CCT6B: variants seen among roughly 807,000 people sequenced by gnomAD.
CCT6B encodes the protein probable T-complex protein 1 subunit zeta-2.
A neutral mutation model predicts 61.5 loss-of-function variants in CCT6B; 49 were observed. The observed-to-expected ratio is 0.80, with a 90% CI of 0.63 to 1.01. The LOEUF (loss-of-function observed/expected upper bound fraction) is 1.01, where lower values mean the gene tolerates loss of function less well. Among genes scored for constraint, CCT6B ranks in the 50% least tolerant of loss-of-function variants. The pLI is 0.00. For synonymous variants in CCT6B, 228 were observed against 214.5 expected, an observed-to-expected ratio of 1.06 and a Z score of -0.55; for missense variants, 666 against 634.7, an observed-to-expected ratio of 1.05 and a Z score of -0.53.
At position 34,939,344 on chromosome 17, in the gene CCT6B, C is replaced by T; in HGVS notation, c.1066-14G>A. The T allele has an allele frequency of 1.3e-6, 2 of 1,592,466 alleles. No homozygotes were observed. Among genetic ancestry groups the T allele is most frequent in the Non-Finnish European group, 1.7e-6 (2 of 1,166,046 alleles). On this transcript the variant is annotated splice_polypyrimidine_tract_variant and intron_variant, in intron 9 of 13. Coordinates refer to ENST00000314144, the MANE Select transcript of CCT6B (RefSeq NM_006584.4). ...CTTTTCTTCACCCTAAAGGGTGGCA[C>T]AAAAATATATAACTTTAATATTTGA...
intron 5 of CCT6B, among the ~76,000 whole-genome samples, chr17:34,950,781 T>C (rs1436391770): frequency 6.6e-6 from 1 of 151,658 alleles, no homozygotes; most frequent in African/African-American, 2.4e-5. Context: ...TACAAAAAAT[T>C]AGGCAGGCGT....
chr17:34,937,446 C>T (rs921295039), intron 10 of CCT6B, among the ~76,000 whole-genome samples: 4 of 151,928 alleles, frequency 2.6e-5, no homozygotes, highest in Non-Finnish European at 4.4e-5. Context: ...TTTTTATACA[C>T]GAGAAAAGGC....
At chr17:34,928,237 G>A (rs1403434508) in intron 13 of CCT6B, 120 bp from the exon 14 acceptor site, 6 of 549,874 alleles carry the variant, frequency 1.1e-5, no homozygotes, top group African/African-American at 2.0e-5. Context: ...GATGTTTTAT[G>A]AGACAAGGCT....
rs754466654 is a variant in CCT6B at position 34,959,658 on chromosome 17, G to A, written c.138-8C>T. ...CCTGCACCAGAAACAAGCCTGTTCA[G>A]AGAAGAATGATATTAACTTCATGTG... On this transcript the variant is annotated splice_region_variant and splice_polypyrimidine_tract_variant and intron_variant, in intron 1 of 13. Coordinates refer to ENST00000314144, the MANE Select transcript of CCT6B (RefSeq NM_006584.4). 6.3e-7 allele frequency: 1 copy of A among 1,597,718 alleles called. No homozygotes were observed. The highest frequency in any genetic ancestry group is 8.6e-7 in the Non-Finnish European group (1 of 1,165,318).
rs764788462 is a variant in CCT6B at position 34,961,270 on chromosome 17, C to T, written c.124G>A (p.Gly42Ser). 6.2e-7 allele frequency: 1 copy of T among 1,610,186 alleles called. No individual in the cohort carries two copies. Among genetic ancestry groups the T allele is most frequent in the South Asian group, 1.1e-5 (1 of 90,728 alleles). Reference sequence around the variant, plus strand: ...CCGCTGTCTCACATTTTCATGGTGCCTTTAGGACCCAAGTTGGTCCGCAGC... The same window carrying T: ...CCGCTGTCTCACATTTTCATGGTGCTTTTAGGACCCAAGTTGGTCCGCAGC... ...DVLRTNLGPK[G>S]TMKMLVSGAG... is the part of the protein sequence containing the mutation. Residue 42 changes from glycine (G) to serine (S), a missense_variant, in exon 1 of 14, where the codon GGC (glycine) becomes AGC (serine). Transcript: ENST00000314144.
In CCT6B at chr17:34,929,821, C is replaced by T. The variant is rs528829134; in HGVS notation, c.1451-787G>A. On this transcript the variant is annotated intron_variant, in intron 12 of 13. Transcript: ENST00000314144. ...GAGCCACTGCGCCTGGCCTGACTCT[C>T]AGGTTTTAATCTCCAACCCAGACCT... 3.3e-5 allele frequency among the ~76,000 whole-genome samples: 5 copies of T among 152,222 alleles called. No individual in the cohort carries two copies. In the East Asian group the frequency reaches 9.7e-4, roughly 29 times the overall value.
Position 34,942,850 on chromosome 17 carries a change from C to G in CCT6B, c.671G>C (p.Arg224Pro). 2 of 1,611,764 alleles carry G rather than the reference C, an allele frequency of 1.2e-6. No homozygotes were observed. Among genetic ancestry groups the G allele is most frequent in the Non-Finnish European group, 1.7e-6 (2 of 1,178,732 alleles). The change falls in exon 6 of 14, where the codon CGA becomes CCA. Residue 224 changes from arginine (R) to proline (P), a missense_variant. Transcript: ENST00000314144. ...HGARHPDMKK[R>P]VEDAFILICN... is the part of the protein sequence containing the mutation. ...AATAAGGATAAATGCATCTTCTACT[C>G]GCTTCTTCATATCTGGATGACGGGC...
chr17:34,945,716 C>T (rs564573515), intron 5 of CCT6B, among the ~76,000 whole-genome samples: 43 of 152,254 alleles, frequency 2.8e-4, no homozygotes, highest in African/African-American at 9.1e-4. Context: ...AAATCAAGAA[C>T]TTGTTATCCT....
intron 10 of CCT6B, among the ~76,000 whole-genome samples, chr17:34,934,818 CTA>C (rs1446988382): frequency 6.6e-6 from 1 of 152,140 alleles, no homozygotes; most frequent in Non-Finnish European, 1.5e-5. Flanking sequence ...CCAATTCACT[CTA>C]TGAGTACAGC....
rs2090139087 is a variant in CCT6B, at chr17:34,939,727, T to C, written c.969-14A>G. The C allele has an allele frequency of 2.0e-6, 3 of 1,486,084 alleles. No individual in the cohort carries two copies. Among genetic ancestry groups the C allele is most frequent in the East Asian group, 4.5e-5 (2 of 44,186 alleles). The allele number at this position is 1,486,084 out of a possible 1,614,324, so 92.1% of individuals were successfully genotyped here. A position where few individuals can be genotyped will look rare whatever the true frequency, so the allele number is the denominator to read the frequency against. On this transcript the variant is annotated splice_polypyrimidine_tract_variant and intron_variant, in intron 8 of 13. Transcript: ENST00000314144. Reference sequence around the variant, plus strand: ...GCAAGAGAGAGTCTGAAATTACATATATGTCACCATAGCTTGATTATGGAG... The same window carrying C: ...GCAAGAGAGAGTCTGAAATTACATACATGTCACCATAGCTTGATTATGGAG...
intron 10 of CCT6B, among the ~76,000 whole-genome samples, chr17:34,934,119 A>C (rs910630654): frequency 6.7e-6 from 1 of 148,810 alleles, no homozygotes; most frequent in Non-Finnish European, 1.5e-5. Flanking sequence ...ACAGATCGAG[A>C]CTCTGTTTCA....
chr17:34,940,665 A>C (rs371134038), intron 7 of CCT6B, 44 bp from the exon 8 acceptor site: 15 of 1,061,062 alleles, frequency 1.4e-5, no homozygotes, highest in South Asian at 1.2e-4. Context: ...GTTTTAAACC[A>C]GTATTTCTCA....
intron 7 of CCT6B, among the ~76,000 whole-genome samples, chr17:34,941,731 C>T (rs1371426830): frequency 6.6e-6 from 1 of 152,140 alleles, no homozygotes; most frequent in East Asian, 1.9e-4. Flanking sequence ...CACAAGTGCT[C>T]TCCTTCAAGA....
chr17:34,955,900 C>T (rs66559362), intron 3 of CCT6B, among the ~76,000 whole-genome samples: 30,922 of 151,936 alleles, frequency 0.2, 3,680 homozygotes, highest in East Asian at 0.55. Context: ...AGAAGTGAAA[C>T]CAGGTTGTTT....
chr17:34,953,639 T>C (rs958710360), intron 4 of CCT6B, among the ~76,000 whole-genome samples: 2 of 151,900 alleles, frequency 1.3e-5, no homozygotes, highest in African/African-American at 4.8e-5. Flanking sequence ...CTATATAACA[T>C]ATATTCTACC....
chr17:34,959,587 C>T lies in CCT6B; in HGVS notation c.201G>A (p.Met67Ile). The T allele has an allele frequency of 6.2e-7, 1 of 1,608,400 alleles. No homozygotes were observed. The highest frequency in any genetic ancestry group is 8.5e-7 in the Non-Finnish European group (1 of 1,174,820). The change falls in exon 2 of 14, where the codon ATG becomes ATA. Residue 67 changes from methionine to isoleucine, a missense_variant and splice_region_variant. Coordinates refer to ENST00000314144, the MANE Select transcript of CCT6B (RefSeq NM_006584.4). ...ATTAAAGTCAGCAGCATCAGCTCAC[C>T]ATCTCATCGAGCAGCACATTGCCAT... ...TKDGNVLLDE[M>I]QIQHPTASLI...
intron 13 of CCT6B, among the ~76,000 whole-genome samples, 187 bp downstream of exon 13, chr17:34,928,775 T>A (rs902148365): frequency 6.6e-6 from 1 of 152,170 alleles, no homozygotes; most frequent in Non-Finnish European, 1.5e-5. Flanking sequence ...CACTGCTAGA[T>A]CTAAAATATA....
intron 5 of CCT6B, chr17:34,944,206 T>A: frequency 6.6e-6 from 1 of 152,208 alleles, no homozygotes; most frequent in East Asian, 1.9e-4. Context: ...AATGACATTG[T>A]TTCTTTGAGA....
intron 4 of CCT6B, 134 bp downstream of exon 4, chr17:34,954,292 A>G: frequency 1.6e-6 from 1 of 643,820 alleles, no homozygotes; most frequent in South Asian, 2.1e-5. Context: ...AGTTAGGCCT[A>G]TACAATAATT....
Sources: allele counts gnomAD v4.1 joint callset (sites outside exome capture counted in the v4.1 genomes callset), GRCh38; gene constraint gnomAD v4.1.1; transcripts MANE v1.5; gene names NCBI Gene and HGNC (gene_info 2026-07-23, HGNC 2026-07-21).